FBN1: variants seen among roughly 807,000 people sequenced by gnomAD.
FBN1 encodes the protein fibrillin 1, also known as fibrillin-1.
FBN1 carries 29 observed loss-of-function variants against 365.1 expected under a neutral mutation model. That is an observed-to-expected ratio of 0.08 (90% CI 0.06 to 0.11). The LOEUF is 0.11. Among genes scored for constraint, FBN1 ranks in the 10% least tolerant of loss-of-function variants. The probability of loss-of-function intolerance (pLI) is 1.00; values close to 1 mark genes in which losing one functional copy is unlikely to be tolerated. For missense variants in FBN1, 2,476 were observed against 3,703.2 expected (o/e 0.67, Z 8.60); for synonymous variants, 1,210 against 1,270.5 (o/e 0.95, Z 1.01).
At position 48,561,538 on chromosome 15, in the gene FBN1, A is replaced by G. The variant is rs550070291; in HGVS notation, c.539-23730T>C. ...TGAATATTCATCCAGCAAGGTTTTT[A>G]TGAAAACACAAGTAAATAGAACATA... is the stretch of plus-strand genomic sequence containing the variant. On this transcript the variant is annotated intron_variant, in intron 6 of 65. Transcript: ENST00000316623. Among the ~76,000 whole-genome samples the G allele has an allele frequency of 4.6e-5, 7 of 152,308 alleles. No individual in the cohort carries two copies. The South Asian group carries it at 1.2e-3, about 27-fold the overall frequency.
In FBN1 at chr15:48,463,907, T is replaced by C; in HGVS notation, c.5057A>G (p.Asn1686Ser). ...PDYMQVNGGN[N>S]CMDMRRSLCY... ...GAAAAGCTTGGACTTACCCATGCAA[T>C]TATTTCCCCCATTCACTTGCATGTA... is the stretch of plus-strand genomic sequence containing the variant. Residue 1686 changes from asparagine to serine, a missense_variant, in exon 41 of 66, where the codon AAT becomes AGT. By Grantham distance (46) the Asn-to-Ser change is conservative. Transcript: ENST00000316623. 6.2e-7 allele frequency: 1 copy of C among 1,612,910 alleles called. No homozygotes were observed. The highest frequency in any genetic ancestry group is 8.5e-7 in the Non-Finnish European group (1 of 1,179,426).
chr15:48,451,071 G>A (rs74873174), intron 45 of FBN1, among the ~76,000 whole-genome samples: 3,331 of 152,264 alleles, frequency 0.022, 70 homozygotes, highest in East Asian at 0.083. Flanking sequence ...ACTTATGGCT[G>A]GCTGCATTTT....
intron 31 of FBN1, among the ~76,000 whole-genome samples, chr15:48,482,463 G>GTTTTTT (rs2043472395): frequency 6.6e-6 from 1 of 152,196 alleles, no homozygotes; most frequent in South Asian, 2.1e-4. Context: ...ACAAAAGACA[G>GTTTTTT]TGATCCCTGA....
intron 4 of FBN1, among the ~76,000 whole-genome samples, chr15:48,604,516 G>A (rs1282295369): frequency 6.6e-6 from 1 of 152,128 alleles, no homozygotes; most frequent in African/African-American, 2.4e-5. Flanking sequence ...CACACAGCTT[G>A]GAAGAGAAAC....
intron 6 of FBN1, among the ~76,000 whole-genome samples, chr15:48,587,538 A>G (rs544747259): frequency 6.6e-6 from 1 of 152,276 alleles, no homozygotes; most frequent in South Asian, 2.1e-4. Flanking sequence ...GTACCATGAA[A>G]GCTGACACAG....
At chr15:48,555,140 T>C (rs1191915006) in intron 6 of FBN1, among the ~76,000 whole-genome samples, 1 of 152,156 alleles carries the variant, frequency 6.6e-6, no homozygotes, top group Non-Finnish European at 1.5e-5. Context: ...TTCCTTCACA[T>C]CTTGTTCCCT....
Position 48,499,951 on chromosome 15 carries a change from C to A in FBN1, c.2114-913G>T, listed in dbSNP as rs1178100712. 2.6e-5 allele frequency among the ~76,000 whole-genome samples: 4 copies of A among 152,162 alleles called. No individual in the cohort carries two copies. In the East Asian group the frequency reaches 7.7e-4, roughly 29 times the overall value. On this transcript the variant is annotated intron_variant, in intron 17 of 65. Transcript: ENST00000316623. ...GGCTGACTGCACCTCACTGCTGAAG[C>A]AAATAGTTCCTATCCCCTGCATGCC...
intron 36 of FBN1, among the ~76,000 whole-genome samples, chr15:48,469,375 T>A (rs1481556162): frequency 6.6e-6 from 1 of 152,126 alleles, no homozygotes; most frequent in East Asian, 1.9e-4. Flanking sequence ...GTGTGTTCCC[T>A]GAGGTCGGCA....
intron 25 of FBN1, 52 bp downstream of exon 25, chr15:48,489,799 C>G: frequency 7.1e-7 from 1 of 1,410,862 alleles, no homozygotes; most frequent in Non-Finnish European, 1.0e-6. Flanking sequence ...GAAAATGCAT[C>G]CTATTTGTCT....
At position 48,481,974 on chromosome 15, in the gene FBN1, G is replaced by A. The variant is rs1225792595; in HGVS notation, c.3839-194C>T. Among the ~76,000 whole-genome samples, 9 of 152,228 alleles carry A rather than the reference G, an allele frequency of 5.9e-5. No individual in the cohort carries two copies. The East Asian group carries it at 9.7e-4, about 16-fold the overall frequency. On this transcript the variant is annotated intron_variant, in intron 31 of 65. Transcript: ENST00000316623. ...CATTGCAAGCTCATTATTCAGACTG[G>A]CTTTCATCTGGCCCATAAGCAGCAG...
Position 48,529,917 on chromosome 15 carries a change from G to C in FBN1, c.863-3662C>G, listed in dbSNP as rs1299714204. Among the ~76,000 whole-genome samples, 482 of 86,342 alleles carry C rather than the reference G, an allele frequency of 5.6e-3. 5 individuals carry two copies. In the East Asian group the frequency reaches 0.068, roughly 12 times the overall value. The allele number at this position is 86,342 out of a possible 152,430, so 56.6% of individuals were successfully genotyped here. Reference sequence around the variant, plus strand: ...CTTATCCATGCTGCATCCGCCGCCCGATCACAACTTGAAAATGGAGTCTGA... The same window carrying C: ...CTTATCCATGCTGCATCCGCCGCCCCATCACAACTTGAAAATGGAGTCTGA... On this transcript the variant is annotated intron_variant, in intron 8 of 65. Coordinates refer to ENST00000316623, the MANE Select transcript of FBN1 (RefSeq NM_000138.5).
Position 48,450,402 on chromosome 15 carries a change from A to G in FBN1, c.5546-1509T>C, listed in dbSNP as rs184452651. Among the ~76,000 whole-genome samples the G allele has an allele frequency of 1.8e-3, 268 of 152,290 alleles. 1 individual carries two copies. Among genetic ancestry groups the G allele is most frequent in the African/African-American group, 3.5e-3 (147 of 41,578 alleles). ...GGTTTAAATAAATGAAAAATGAAACATGGGGAGTACTTTGGAGTTCTACTG... is the reference window on the plus strand; with the variant it reads ...GGTTTAAATAAATGAAAAATGAAACGTGGGGAGTACTTTGGAGTTCTACTG... On this transcript the variant is annotated intron_variant, in intron 45 of 65. Transcript: ENST00000316623.
intron 10 of FBN1, among the ~76,000 whole-genome samples, chr15:48,518,885 C>T (rs1381711356): frequency 1.3e-5 from 2 of 152,200 alleles, no homozygotes; most frequent in East Asian, 1.9e-4. Context: ...CTCTATAAAT[C>T]TGTTTTGCCC....
chr15:48,470,866 T>A, intron 35 of FBN1, 110 bp from the exon 36 acceptor site: 1 of 1,242,468 alleles, frequency 8.0e-7, no homozygotes, highest in Non-Finnish European at 1.1e-6. Context: ...GCAGAGTATC[T>A]AACACCAATC....
At chr15:48,459,606 T>C (rs959837809) in intron 43 of FBN1, among the ~76,000 whole-genome samples, 10 of 152,174 alleles carry the variant, frequency 6.6e-5, no homozygotes, top group Non-Finnish European at 1.2e-4. Context: ...GAGAATGCAA[T>C]AGCTTTCCAT....
chr15:48,553,095 C>G (rs943856478), intron 6 of FBN1, among the ~76,000 whole-genome samples: 1 of 152,178 alleles, frequency 6.6e-6, no homozygotes, highest in Non-Finnish European at 1.5e-5. Flanking sequence ...ACTGCCAGTT[C>G]TCACTTGTAA....
intron 11 of FBN1, 77 bp downstream of exon 11, chr15:48,516,106 G>A: frequency 7.4e-7 from 1 of 1,348,498 alleles, no homozygotes; most frequent in Non-Finnish European, 1.1e-6. Flanking sequence ...AATGACTAAA[G>A]TAGCATAAAT....
intron 4 of FBN1, among the ~76,000 whole-genome samples, chr15:48,603,459 TG>T (rs2044582486): frequency 2.0e-5 from 3 of 152,182 alleles, no homozygotes; most frequent in Admixed American, 2.0e-4. Flanking sequence ...TGTGGGGAAG[TG>T]AAAGAACTAG....
At position 48,409,318 on chromosome 15, in the gene FBN1, C is replaced by T. The variant is rs886051231; in HGVS notation, c.*1672G>A. On this transcript the variant is annotated 3_prime_UTR_variant, in exon 66 of 66. Coordinates refer to ENST00000316623, the MANE Select transcript of FBN1 (RefSeq NM_000138.5). Reference sequence around the variant, plus strand: ...ATCAGCTGACCCTGGTTTTGCCTTCCGGAATAGTATGAGCCAAATCTACTC... The same window carrying T: ...ATCAGCTGACCCTGGTTTTGCCTTCTGGAATAGTATGAGCCAAATCTACTC... 5.9e-5 allele frequency: 9 copies of T among 152,236 alleles called. No individual in the cohort carries two copies. In the South Asian group the frequency reaches 6.2e-4, roughly 11 times the overall value. The allele number at this position is 152,236 out of a possible 1,614,324, so 9.4% of individuals were successfully genotyped here.
Sources: gnomAD v4.1 joint callset for allele counts (sites outside exome capture counted in the v4.1 genomes callset) on GRCh38, gnomAD v4.1.1 for gene constraint, MANE v1.5 for transcripts, NCBI Gene and HGNC (gene_info 2026-07-23, HGNC 2026-07-21) for gene names.